The following SLFN12L variants were observed in gnomAD, a reference collection of about 807,000 sequenced individuals.
SLFN12L encodes schlafen family member 12 like.
A neutral mutation model predicts 34.8 loss-of-function variants in SLFN12L; 34 were observed. That is an observed-to-expected ratio of 0.98 (90% CI 0.74 to 1.30). The LOEUF (loss-of-function observed/expected upper bound fraction) is 1.30, where lower values mean the gene tolerates loss of function less well. Among genes scored for constraint, SLFN12L ranks in the 50% most tolerant of loss-of-function variants. SLFN12L has a pLI of 0.00. For missense variants in SLFN12L, 703 were observed against 696.2 expected, an observed-to-expected ratio of 1.01 and a Z score of -0.11; for synonymous variants, 259 against 247.5, an observed-to-expected ratio of 1.05 and a Z score of -0.44.
At position 35,466,842 on chromosome 17, in the gene SLFN12L, C is replaced by A. The variant is rs919802426; in HGVS notation, c.*8081G>T. ...TTGCCTGAGGGCTCTCAGCCTCATG[C>A]TATATGCCATTAAAACCACAAATGA... On this transcript the variant is annotated 3_prime_UTR_variant, in exon 5 of 5. Transcript: ENST00000628453. Among the ~76,000 whole-genome samples the A allele has an allele frequency of 6.6e-6, 1 of 152,192 alleles. No individual in the cohort carries two copies. The highest frequency in any genetic ancestry group is 1.5e-5 in the Non-Finnish European group (1 of 68,036).
Position 35,479,739 on chromosome 17 carries a change from A to T in SLFN12L, c.543T>A (p.Ala181=). 1 of 1,614,168 alleles carries T rather than the reference A, an allele frequency of 6.2e-7. No individual in the cohort carries two copies. The highest frequency in any genetic ancestry group is 8.5e-7 in the Non-Finnish European group (1 of 1,180,008). Residue 181 remains alanine, a synonymous_variant, in exon 3 of 5, where the codon GCT becomes GCA. Transcript: ENST00000628453. The part of the protein sequence containing the change: ...RDVTSAKVMN[A]SAALEFLKDM... Reference sequence around the variant, plus strand: ...CTTTGAGGAACTCCAGTGCAGCAGAAGCATTCATGACTTTTGCAGACGTTA... The same window carrying T: ...CTTTGAGGAACTCCAGTGCAGCAGATGCATTCATGACTTTTGCAGACGTTA...
intron 4 of SLFN12L, among the ~76,000 whole-genome samples, chr17:35,476,516 A>AGGAG (rs60296112): frequency 1.4e-5 from 2 of 140,762 alleles, no homozygotes; most frequent in Admixed American, 7.2e-5. Context: ...GAAGGAAGGA[A>AGGAG]GGAAAGAAGG....
chr17:35,530,439 GGGAAGAAAGAA>G (rs2072390685), intron 1 of SLFN12L, among the ~76,000 whole-genome samples: 1 of 10,958 alleles, frequency 9.1e-5, no homozygotes, highest in Non-Finnish European at 3.2e-4. Flanking sequence ...GGGAAGGGAA[GGGAAGAAAGAA>G]AGAAAGAAAG....
chr17:35,512,165 T>C (rs1915666590), intron 2 of SLFN12L, among the ~76,000 whole-genome samples: 1 of 134,348 alleles, frequency 7.4e-6, no homozygotes, highest in Non-Finnish European at 1.6e-5. Context: ...TTTTTTTTTT[T>C]TTTTTTTGAG....
intron 2 of SLFN12L, among the ~76,000 whole-genome samples, chr17:35,496,357 A>C (rs1281423259): frequency 6.6e-6 from 1 of 152,192 alleles, no homozygotes; most frequent in African/African-American, 2.4e-5. Flanking sequence ...AAAAAAAAAT[A>C]GATTTCTTAA....
In SLFN12L at chr17:35,471,973, T is replaced by C. The variant is rs765836815; in HGVS notation, c.*2950A>G. The stretch of plus-strand genomic sequence containing the variant: ...TTCTGGGTATTAGACCTTTGTCAGA[T>C]GGGTAGATTGCAAAAATTTTCTCCC... On this transcript the variant is annotated 3_prime_UTR_variant, in exon 5 of 5. Transcript: ENST00000628453. Among the ~76,000 whole-genome samples, 1 of 152,194 alleles carries C rather than the reference T, an allele frequency of 6.6e-6. No homozygotes were observed.
At chr17:35,505,874 T>C (rs1397532667) in intron 2 of SLFN12L, among the ~76,000 whole-genome samples, 2 of 152,222 alleles carry the variant, frequency 1.3e-5, no homozygotes, top group African/African-American at 2.4e-5. Flanking sequence ...ACTTGTATAG[T>C]AAGTACTTCA....
At chr17:35,484,752 C>G (rs1914508311) in intron 2 of SLFN12L, among the ~76,000 whole-genome samples, 3 of 152,076 alleles carry the variant, frequency 2.0e-5, no homozygotes, top group African/African-American at 7.3e-5. Flanking sequence ...ATTGGATTGC[C>G]AGGATGGTGC....
intron 2 of SLFN12L, among the ~76,000 whole-genome samples, chr17:35,481,407 AC>A (rs1294466397): frequency 1.3e-5 from 2 of 152,300 alleles, no homozygotes; most frequent in East Asian, 3.9e-4. Context: ...TTCATGTTCC[AC>A]CCTGTACACC....
At chr17:35,530,855 G>A (rs560233972) in intron 1 of SLFN12L, among the ~76,000 whole-genome samples, 5 of 152,182 alleles carry the variant, frequency 3.3e-5, no homozygotes, top group Non-Finnish European at 5.9e-5. Flanking sequence ...AAAACATTTC[G>A]TTATTTGATT....
rs886624847 is a variant in SLFN12L at position 35,537,565 on chromosome 17, G to A, written c.-606+8C>T. The A allele has an allele frequency of 1.3e-5, 2 of 152,206 alleles. No individual in the cohort carries two copies. Among genetic ancestry groups the A allele is most frequent in the Admixed American group, 6.5e-5 (1 of 15,280 alleles). The allele number at this position is 152,206 out of a possible 1,614,324, so 9.4% of individuals were successfully genotyped here. On this transcript the variant is annotated splice_region_variant and intron_variant, in intron 1 of 4. Coordinates refer to ENST00000628453, the MANE Select transcript of SLFN12L (RefSeq NM_001363830.2). ...TGGCTTAGATCTCTCTGGACAATCT[G>A]TACTTACCTTGGGAGTTAAAAGATT...
intron 2 of SLFN12L, among the ~76,000 whole-genome samples, chr17:35,496,601 G>A (rs1467925100): frequency 3.3e-5 from 5 of 151,446 alleles, no homozygotes; most frequent in Admixed American, 2.6e-4. Flanking sequence ...GGAGCGGGGC[G>A]GAAGATCGAG....
At position 35,466,129 on chromosome 17, in the gene SLFN12L, T is replaced by C. The variant is rs185413838; in HGVS notation, c.*8794A>G. Among the ~76,000 whole-genome samples, 6 of 152,330 alleles carry C rather than the reference T, an allele frequency of 3.9e-5. No homozygotes were observed. The highest frequency in any genetic ancestry group is 3.9e-4 in the Admixed American group (6 of 15,304). On this transcript the variant is annotated 3_prime_UTR_variant, in exon 5 of 5. Transcript: ENST00000628453. ...CATTAGTGTGGTACATTTGTTACAATTGATTAATCTAAATTAATACATCAT... is the reference window on the plus strand; with the variant it reads ...CATTAGTGTGGTACATTTGTTACAACTGATTAATCTAAATTAATACATCAT...
intron 2 of SLFN12L, among the ~76,000 whole-genome samples, chr17:35,502,615 T>C (rs1391284236): frequency 6.6e-6 from 1 of 151,094 alleles, no homozygotes; most frequent in Non-Finnish European, 1.5e-5. Flanking sequence ...AAAAAAGCCA[T>C]CTATACCAAT....
intron 2 of SLFN12L, chr17:35,490,048 C>A: frequency 6.2e-7 from 1 of 1,605,070 alleles, no homozygotes; most frequent in Non-Finnish European, 8.5e-7. Flanking sequence ...CCTCCTGTTC[C>A]CTCTCCCTCC....
intron 2 of SLFN12L, among the ~76,000 whole-genome samples, chr17:35,502,618 A>G (rs1186711040): frequency 6.6e-6 from 1 of 151,938 alleles, no homozygotes; most frequent in Non-Finnish European, 1.5e-5. Flanking sequence ...AAAGCCATCT[A>G]TACCAATTCT....
chr17:35,528,305 C>T (rs958203196), intron 1 of SLFN12L, among the ~76,000 whole-genome samples: 4 of 152,138 alleles, frequency 2.6e-5, no homozygotes, highest in African/African-American at 9.7e-5. Flanking sequence ...AATGCTATCC[C>T]CATCAAGCTA....
In SLFN12L at chr17:35,522,693, G is replaced by GC. The variant is rs1285169462; in HGVS notation, c.-330dup. ...CCCTGACACACACCTCCCCAGTGTA[G>GC]CCCCCCATGTTCACCAGCTTCTGCT... On this transcript the variant is annotated 5_prime_UTR_variant, in exon 2 of 5. The change creates a premature stop within an existing upstream ORF in the 5' untranslated region. Coordinates refer to ENST00000628453, the MANE Select transcript of SLFN12L (RefSeq NM_001363830.2). 1.2e-6 allele frequency: 2 copies of GC among 1,614,008 alleles called. No individual in the cohort carries two copies. Among genetic ancestry groups the GC allele is most frequent in the African/African-American group, 2.7e-5 (2 of 74,898 alleles).
intron 2 of SLFN12L, among the ~76,000 whole-genome samples, chr17:35,492,370 C>T (rs1420206634): frequency 6.6e-6 from 1 of 152,158 alleles, no homozygotes; most frequent in Non-Finnish European, 1.5e-5. Flanking sequence ...GTCCCTCCAT[C>T]CTTGGGCTTC....
Sources: allele counts gnomAD v4.1 joint callset (sites outside exome capture counted in the v4.1 genomes callset), GRCh38; gene constraint gnomAD v4.1.1; transcripts MANE v1.5; gene names NCBI Gene and HGNC (gene_info 2026-07-23, HGNC 2026-07-21).